Variants in GPC5 observed in about 807,000 individuals in gnomAD.
GPC5 encodes the protein glypican-5.
A neutral mutation model predicts 53.9 loss-of-function variants in GPC5; 47 were observed. That is an observed-to-expected ratio of 0.87 (90% CI 0.69 to 1.11). The LOEUF (loss-of-function observed/expected upper bound fraction) is 1.11. GPC5 is among the 50% of genes most tolerant of loss of function. The pLI, the probability that GPC5 is intolerant of heterozygous loss-of-function variation, is 0.00. For missense variants in GPC5, 748 were observed against 713.1 expected, an observed-to-expected ratio of 1.05 and a Z score of -0.56; for synonymous variants, 286 against 263.3, an observed-to-expected ratio of 1.09 and a Z score of -0.84.
chr13:92,081,158 G>A (rs1372793966), intron 6 of GPC5, among the ~76,000 whole-genome samples: 2 of 152,010 alleles, frequency 1.3e-5, no homozygotes, highest in East Asian at 1.9e-4. Context: ...TCCCAGGCTG[G>A]AGTGGAGTGG....
chr13:92,690,993 G>A (rs1198025726), intron 7 of GPC5, among the ~76,000 whole-genome samples: 1 of 64,246 alleles, frequency 1.6e-5, no homozygotes, highest in African/African-American at 6.5e-5. Flanking sequence ...GGACACTTAA[G>A]TCTGCAGAGG....
intron 7 of GPC5, among the ~76,000 whole-genome samples, chr13:92,617,541 C>T (rs1411401741): frequency 6.6e-6 from 1 of 152,082 alleles, no homozygotes; most frequent in African/African-American, 2.4e-5. Context: ...AATTTCTTAC[C>T]TGAGTCTCTT....
At chr13:92,071,599 A>G (rs1432275621) in intron 6 of GPC5, among the ~76,000 whole-genome samples, 1 of 151,924 alleles carries the variant, frequency 6.6e-6, no homozygotes, top group Non-Finnish European at 1.5e-5. Context: ...AAAGTCATTT[A>G]TATGTCAATT....
At chr13:92,483,116 C>T (rs1879419221) in intron 7 of GPC5, among the ~76,000 whole-genome samples, 1 of 152,180 alleles carries the variant, frequency 6.6e-6, no homozygotes, top group Admixed American at 6.5e-5. Flanking sequence ...CCCATGATTC[C>T]ATTATCTCCA....
intron 7 of GPC5, among the ~76,000 whole-genome samples, chr13:92,493,571 A>G (rs1339908630): frequency 2.6e-5 from 4 of 152,196 alleles, no homozygotes; most frequent in Non-Finnish European, 5.9e-5. Context: ...ATGAATATAT[A>G]GAAAGAGGGA....
intron 6 of GPC5, among the ~76,000 whole-genome samples, chr13:92,064,251 G>A (rs540244715): frequency 6.6e-6 from 1 of 152,258 alleles, no homozygotes; most frequent in East Asian, 1.9e-4. Flanking sequence ...TTATAAGATA[G>A]CCTGAGATCA....
chr13:92,638,358 C>T (rs1192383511), intron 7 of GPC5, among the ~76,000 whole-genome samples: 1 of 152,046 alleles, frequency 6.6e-6, no homozygotes, highest in Non-Finnish European at 1.5e-5. Flanking sequence ...CTTGGTCAAT[C>T]AAGGTGAGAT....
chr13:91,852,608 T>G (rs375669436), intron 5 of GPC5, among the ~76,000 whole-genome samples: 14 of 152,154 alleles, frequency 9.2e-5, no homozygotes, highest in African/African-American at 2.4e-4. Context: ...AGGAGCTTGT[T>G]GAGACCTGCA....
chr13:91,650,401 A>G (rs1206907459), intron 2 of GPC5, among the ~76,000 whole-genome samples: 3 of 149,416 alleles, frequency 2.0e-5, no homozygotes, highest in Admixed American at 6.6e-5. Flanking sequence ...AACTTGTAGT[A>G]TATATTTTTT....
chr13:92,745,539 G>C (rs889575619), intron 7 of GPC5, among the ~76,000 whole-genome samples: 11 of 152,050 alleles, frequency 7.2e-5, no homozygotes, highest in African/African-American at 2.7e-4. Context: ...CCTCCAGCCA[G>C]CTTGCTACTC....
chr13:91,826,913 T>C (rs2038584881), intron 5 of GPC5, among the ~76,000 whole-genome samples: 1 of 151,828 alleles, frequency 6.6e-6, no homozygotes, highest in Non-Finnish European at 1.5e-5. Flanking sequence ...AGTGGAAAGA[T>C]GGTTACCAGA....
intron 2 of GPC5, among the ~76,000 whole-genome samples, chr13:91,463,250 A>T (rs1314090515): frequency 6.6e-6 from 1 of 152,178 alleles, no homozygotes; most frequent in Non-Finnish European, 1.5e-5. Context: ...TGGTTTCAAC[A>T]TAGTATTTGG....
intron 2 of GPC5, among the ~76,000 whole-genome samples, chr13:91,471,198 C>A (rs771592643): frequency 2.0e-5 from 3 of 152,068 alleles, no homozygotes; most frequent in African/African-American, 4.8e-5. Context: ...CAGTCACCCC[C>A]TTGGGGCAGG....
intron 7 of GPC5, among the ~76,000 whole-genome samples, chr13:92,864,431 A>G (rs1879279477): frequency 6.6e-6 from 1 of 152,192 alleles, no homozygotes; most frequent in Non-Finnish European, 1.5e-5. Context: ...TGTCTGGCTC[A>G]TGAATGAACA....
At chr13:92,856,939 A>G (rs960541493) in intron 7 of GPC5, among the ~76,000 whole-genome samples, 2 of 152,044 alleles carry the variant, frequency 1.3e-5, no homozygotes, top group African/African-American at 4.8e-5. Context: ...CTCCTATCAA[A>G]TGACCAATGT....
At chr13:92,405,504 T>G (rs1471483203) in intron 7 of GPC5, among the ~76,000 whole-genome samples, 3 of 152,338 alleles carry the variant, frequency 2.0e-5, no homozygotes, top group Non-Finnish European at 4.4e-5. Flanking sequence ...TTTTTAATAT[T>G]CAAAATTCTT....
chr13:92,755,159 C>T (rs1183001426), intron 7 of GPC5, among the ~76,000 whole-genome samples: 1 of 143,198 alleles, frequency 7.0e-6, no homozygotes, highest in African/African-American at 2.6e-5. Context: ...CAAACTAGAA[C>T]TCAGGATTAA....
intron 2 of GPC5, among the ~76,000 whole-genome samples, chr13:91,451,341 T>C (rs1318363264): frequency 2.0e-5 from 3 of 152,180 alleles, no homozygotes; most frequent in Admixed American, 2.0e-4. Context: ...ATGGACCTTA[T>C]GTGACCCCAC....
chr13:92,702,960 C>A (rs927370861), intron 7 of GPC5, among the ~76,000 whole-genome samples: 2 of 152,004 alleles, frequency 1.3e-5, no homozygotes, highest in Non-Finnish European at 2.9e-5. Flanking sequence ...CTCTAAAGCT[C>A]AGATGGGAAT....
Sources: allele counts gnomAD v4.1 joint callset (sites outside exome capture counted in the v4.1 genomes callset), GRCh38; gene constraint gnomAD v4.1.1; transcripts MANE v1.5; gene names NCBI Gene and HGNC (gene_info 2026-07-23, HGNC 2026-07-21).